The following MAGI2 variants were observed in gnomAD, a reference collection of about 807,000 sequenced individuals.
MAGI2 encodes membrane-associated guanylate kinase, WW and PDZ domain-containing protein 2.
A neutral mutation model predicts 133.3 loss-of-function variants in MAGI2; 35 were observed. The ratio of observed to expected loss-of-function variants is 0.26; its 90% confidence interval spans 0.20 to 0.35. MAGI2 has a LOEUF of 0.35. MAGI2 is among the 10% of genes least tolerant of loss of function. The pLI, the probability that MAGI2 is intolerant of heterozygous loss-of-function variation, is 1.00. For missense variants in MAGI2, 1,636 were observed against 1,863.4 expected (o/e 0.88, Z 2.25); for synonymous variants, 729 against 710.6 (o/e 1.03, Z -0.41).
intron 3 of MAGI2, among the ~76,000 whole-genome samples, chr7:78,545,726 A>AATGAGTTTGTGTAG (rs1323904556): frequency 1.3e-5 from 2 of 152,344 alleles, no homozygotes; most frequent in African/African-American, 4.8e-5. Flanking sequence ...TAATTTTCAA[A>AATGAGTTTGTGTAG]ATGAGTTTGT....
chr7:78,818,892 C>T (rs1789840723), intron 2 of MAGI2, among the ~76,000 whole-genome samples: 1 of 152,070 alleles, frequency 6.6e-6, no homozygotes, highest in South Asian at 2.1e-4. Flanking sequence ...ACACAGCTTA[C>T]ATCAATTCTC....
At chr7:79,146,239 C>T (rs1822603128) in intron 1 of MAGI2, among the ~76,000 whole-genome samples, 1 of 152,198 alleles carries the variant, frequency 6.6e-6, no homozygotes, top group South Asian at 2.1e-4. Flanking sequence ...TTTCAGCAAA[C>T]ACAGAAGAAG....
intron 2 of MAGI2, among the ~76,000 whole-genome samples, chr7:78,820,339 G>A (rs1285549857): frequency 6.6e-6 from 1 of 151,772 alleles, no homozygotes; most frequent in Non-Finnish European, 1.5e-5. Context: ...GTTCTTCAAG[G>A]ATAACAGCAG....
chr7:78,881,835 T>C (rs1461773214), intron 2 of MAGI2, among the ~76,000 whole-genome samples: 1 of 151,314 alleles, frequency 6.6e-6, no homozygotes, highest in Non-Finnish European at 1.5e-5. Flanking sequence ...AAAGCCTATG[T>C]CAGGAAGTCA....
intron 2 of MAGI2, among the ~76,000 whole-genome samples, chr7:78,699,975 T>C (rs1817901616): frequency 6.6e-6 from 1 of 152,134 alleles, no homozygotes; most frequent in Admixed American, 6.6e-5. Context: ...AATTTCTCTC[T>C]AAGCAAGAAA....
At chr7:78,828,784 T>C (rs1790885756) in intron 2 of MAGI2, among the ~76,000 whole-genome samples, 1 of 152,162 alleles carries the variant, frequency 6.6e-6, no homozygotes, top group South Asian at 2.1e-4. Flanking sequence ...TCTGTAAAAC[T>C]AAAATTATTC....
intron 1 of MAGI2, chr7:79,125,571 C>G (rs914210575): frequency 7.9e-6 from 4 of 506,858 alleles, no homozygotes; most frequent in Non-Finnish European, 1.6e-5. Context: ...ACAGCTGTAT[C>G]AGTGGAGGAG....
intron 2 of MAGI2, among the ~76,000 whole-genome samples, chr7:78,748,292 C>T (rs1823121158): frequency 6.6e-6 from 1 of 152,020 alleles, no homozygotes; most frequent in Non-Finnish European, 1.5e-5. Context: ...TGGTAATTGG[C>T]CATGGATATA....
intron 2 of MAGI2, among the ~76,000 whole-genome samples, chr7:78,652,494 C>G (rs371656301): frequency 1.3e-5 from 2 of 151,992 alleles, no homozygotes; most frequent in Admixed American, 1.3e-4. Context: ...CCATCTGATC[C>G]TTGACAAACC....
chr7:78,350,641 C>A (rs900595533), intron 7 of MAGI2: 1 of 152,192 alleles, frequency 6.6e-6, no homozygotes, highest in African/African-American at 2.4e-5. Context: ...TTCAGACAAG[C>A]ACTGAGGGAA....
chr7:78,372,851 G>A (rs117999214), intron 6 of MAGI2, among the ~76,000 whole-genome samples: 1 of 151,954 alleles, frequency 6.6e-6, no homozygotes. Context: ...TTAATCTTTA[G>A]TCAGCTACAC....
intron 2 of MAGI2, among the ~76,000 whole-genome samples, chr7:78,996,923 C>T (rs547939418): frequency 8.9e-4 from 136 of 152,072 alleles, no homozygotes; most frequent in African/African-American, 3.3e-3. Context: ...CAGAGCAAGA[C>T]CTGTAAATTG....
chr7:78,840,383 T>A (rs1198243295), intron 2 of MAGI2, among the ~76,000 whole-genome samples: 1 of 151,932 alleles, frequency 6.6e-6, no homozygotes, highest in Non-Finnish European at 1.5e-5. Flanking sequence ...CATATCAGAG[T>A]CTCCTGGAAT....
chr7:79,348,424 A>G (rs1467788511), intron 1 of MAGI2, among the ~76,000 whole-genome samples: 1 of 151,852 alleles, frequency 6.6e-6, no homozygotes, highest in Non-Finnish European at 1.5e-5. Flanking sequence ...AAATTTTTTG[A>G]TGCTAGTACA....
At chr7:78,325,744 C>T (rs540189405) in intron 9 of MAGI2, among the ~76,000 whole-genome samples, 5 of 152,318 alleles carry the variant, frequency 3.3e-5, no homozygotes, top group African/African-American at 1.2e-4. Flanking sequence ...CTTCTTCCCA[C>T]TGACCCAACC....
At chr7:78,361,430 CT>C (rs1792796728) in intron 7 of MAGI2, among the ~76,000 whole-genome samples, 1 of 151,470 alleles carries the variant, frequency 6.6e-6, no homozygotes, top group Admixed American at 6.6e-5. Context: ...TACAACCCCC[CT>C]CCCCCCCACA....
chr7:78,950,676 A>G (rs761655747), intron 2 of MAGI2, among the ~76,000 whole-genome samples: 1 of 152,164 alleles, frequency 6.6e-6, no homozygotes, highest in Non-Finnish European at 1.5e-5. Context: ...ACTAAAACAC[A>G]GCAGTCTTTA....
At chr7:79,057,200 G>T (rs774132679) in intron 1 of MAGI2, among the ~76,000 whole-genome samples, 82 of 152,160 alleles carry the variant, frequency 5.4e-4, no homozygotes, top group African/African-American at 1.9e-3. Flanking sequence ...GAATTTTAAG[G>T]CTTAAAGGTC....
At chr7:79,217,469 C>G (rs1217406439) in intron 1 of MAGI2, among the ~76,000 whole-genome samples, 1 of 151,970 alleles carries the variant, frequency 6.6e-6, no homozygotes, top group Non-Finnish European at 1.5e-5. Context: ...TATGTAACTG[C>G]TCTTTTAATC....
Sources: allele counts gnomAD v4.1 joint callset (sites outside exome capture counted in the v4.1 genomes callset), GRCh38; gene constraint gnomAD v4.1.1; transcripts MANE v1.5; gene names NCBI Gene and HGNC (gene_info 2026-07-23, HGNC 2026-07-21).